The following PHACTR4 variants were observed in gnomAD, a reference collection of about 807,000 sequenced individuals.
PHACTR4 encodes the protein protein phosphatase 1, regulatory subunit 124.
Under a neutral mutation model 72.7 loss-of-function variants are expected in PHACTR4, and 51 were observed. That is an observed-to-expected ratio of 0.70 (90% CI 0.56 to 0.89). The LOEUF (loss-of-function observed/expected upper bound fraction) is 0.89. Ranked by LOEUF, PHACTR4 falls within the 40% of genes least tolerant of loss-of-function variation. The probability of loss-of-function intolerance (pLI) is 0.00; values close to 1 mark genes in which losing one functional copy is unlikely to be tolerated. For missense variants in PHACTR4, 731 were observed against 861.8 expected (o/e 0.85, Z 1.90); for synonymous variants, 255 against 302.5 (o/e 0.84, Z 1.63).
At chr1:28,457,171 T>C (rs1658452640) in intron 2 of PHACTR4, 1 of 333,932 alleles carries the variant, frequency 3.0e-6, no homozygotes, top group South Asian at 2.4e-5. Flanking sequence ...TGTATAAATC[T>C]AACCTTTATT....
chr1:28,426,963 A>G (rs1327990271), intron 2 of PHACTR4, among the ~76,000 whole-genome samples: 2 of 152,224 alleles, frequency 1.3e-5, no homozygotes, highest in Non-Finnish European at 2.9e-5. Context: ...GTGTAGTCAT[A>G]TGTAGCTAGC....
intron 12 of PHACTR4, 112 bp from the exon 13 acceptor site, chr1:28,492,903 G>A: frequency 2.4e-6 from 2 of 841,144 alleles, no homozygotes; most frequent in Non-Finnish European, 1.9e-6. Flanking sequence ...TGGGTTGCCT[G>A]TGAGGGGTTG....
intron 1 of PHACTR4, among the ~76,000 whole-genome samples, chr1:28,384,706 C>G (rs1231527671): frequency 6.6e-6 from 1 of 152,062 alleles, no homozygotes; most frequent in Non-Finnish European, 1.5e-5. Context: ...ACCAGCCTGG[C>G]CAACATGGCA....
Position 28,438,433 on chromosome 1 carries a change from G to A in PHACTR4, c.17-20652G>A, listed in dbSNP as rs770477817. On this transcript the variant is annotated intron_variant, in intron 2 of 13. Transcript: ENST00000373839. Reference sequence around the variant, plus strand: ...ACCGGTAAATCCAGATGCAGTTGGTGAGTAATAGAAGGCAGAGAAACAGAA... The same window carrying A: ...ACCGGTAAATCCAGATGCAGTTGGTAAGTAATAGAAGGCAGAGAAACAGAA... 23 of 1,613,014 alleles carry A rather than the reference G, an allele frequency of 1.4e-5. No homozygotes were observed. The East Asian group carries it at 4.7e-4, about 33-fold the overall frequency.
chr1:28,491,147 T>A (rs1661012465), intron 11 of PHACTR4, 135 bp downstream of exon 11: 1 of 833,188 alleles, frequency 1.2e-6, no homozygotes, highest in South Asian at 1.6e-5. Context: ...GGCAGGAGGA[T>A]TGCTTGAGCC....
intron 13 of PHACTR4, among the ~76,000 whole-genome samples, 181 bp downstream of exon 13, chr1:28,493,272 T>C (rs1350460093): frequency 2.6e-5 from 4 of 152,184 alleles, no homozygotes; most frequent in African/African-American, 9.7e-5. Context: ...GTGCGGTGGC[T>C]CACGCCTGTA....
intron 4 of PHACTR4, among the ~76,000 whole-genome samples, chr1:28,461,737 G>A (rs1178653173): frequency 6.6e-6 from 1 of 151,870 alleles, no homozygotes; most frequent in Non-Finnish European, 1.5e-5. Context: ...ATGTTGCCCA[G>A]GCTAGTCTCA....
rs149355050 is a variant in PHACTR4 at position 28,389,387 on chromosome 1, T to A, written c.-38-18023T>A. On this transcript the variant is annotated intron_variant, in intron 1 of 13. Transcript: ENST00000373839. ...TACTGGTGAAGAAAAAAATGTAAAATTAAAAGAAAAAAAATAACAAGTGTT... is the reference window on the plus strand; with the variant it reads ...TACTGGTGAAGAAAAAAATGTAAAAATAAAAGAAAAAAAATAACAAGTGTT... 2.7e-5 allele frequency among the ~76,000 whole-genome samples: 4 copies of A among 150,862 alleles called. No homozygotes were observed. In the East Asian group the frequency reaches 7.8e-4, roughly 29 times the overall value.
intron 1 of PHACTR4, among the ~76,000 whole-genome samples, chr1:28,403,384 T>A (rs1214129319): frequency 6.6e-6 from 1 of 152,016 alleles, no homozygotes; most frequent in Admixed American, 6.6e-5. Flanking sequence ...CCTGAGAAGG[T>A]TGTGACCTTC....
chr1:28,429,900 CTT>C (rs1033515202), intron 2 of PHACTR4, among the ~76,000 whole-genome samples: 3 of 152,050 alleles, frequency 2.0e-5, no homozygotes, highest in African/African-American at 7.2e-5. Context: ...GAGAAAAAAA[CTT>C]TTTTTTGGTG....
intron 2 of PHACTR4, among the ~76,000 whole-genome samples, chr1:28,414,449 A>G (rs988474307): frequency 7.5e-5 from 11 of 147,056 alleles, no homozygotes; most frequent in Non-Finnish European, 1.0e-4. Context: ...AAAAAAAAAA[A>G]GCACCGCAGC....
chr1:28,453,562 G>A (rs1658135309), intron 2 of PHACTR4: 3 of 730,844 alleles, frequency 4.1e-6, no homozygotes, highest in Non-Finnish European at 4.5e-6. Flanking sequence ...CGAGAGAGTG[G>A]GACTTGGGCA....
intron 6 of PHACTR4, among the ~76,000 whole-genome samples, chr1:28,470,272 A>G (rs1190403369): frequency 6.6e-6 from 1 of 151,908 alleles, no homozygotes; most frequent in African/African-American, 2.4e-5. Context: ...ATGTGCCTGT[A>G]ATTCTAGCTA....
chr1:28,479,584 G>GA lies in PHACTR4; in HGVS notation c.1607-850dup, dbSNP rs1170640129. ...GGCAACAGAGCAAGACTCCGCCTCA[G>GA]AAAAAAAAAAAAAAAAAGAGGCCAG... On this transcript the variant is annotated intron_variant, in intron 8 of 13. Coordinates refer to ENST00000373839, the MANE Select transcript of PHACTR4 (RefSeq NM_001048183.3). Among the ~76,000 whole-genome samples, 760 of 84,566 alleles carry GA rather than the reference G, an allele frequency of 9.0e-3. 2 individuals are homozygous for GA. Among genetic ancestry groups the GA allele is most frequent in the Middle Eastern group, 0.021 (2 of 94 alleles). 55.5% of individuals were successfully genotyped at this position (84,566 alleles called of 152,430 possible). A position where few individuals can be genotyped will look rare whatever the true frequency, so the allele number is the denominator to read the frequency against.
intron 2 of PHACTR4, among the ~76,000 whole-genome samples, chr1:28,422,157 C>T (rs1318349303): frequency 6.6e-6 from 1 of 152,144 alleles, no homozygotes; most frequent in African/African-American, 2.4e-5. Context: ...TGTTATTCAG[C>T]ATGATTTGTA....
At chr1:28,466,873 CAT>C in intron 6 of PHACTR4, 105 bp downstream of exon 6, 1 of 1,453,702 alleles carries the variant, frequency 6.9e-7, no homozygotes, top group Non-Finnish European at 9.3e-7. Flanking sequence ...GAGAATTTTC[CAT>C]ATCTTGTCCC....
chr1:28,441,922 G>A (rs1384768629), intron 2 of PHACTR4, among the ~76,000 whole-genome samples: 2 of 152,110 alleles, frequency 1.3e-5, no homozygotes, highest in South Asian at 2.1e-4. Flanking sequence ...AGCCTGGTAG[G>A]TTGAGGCTGC....
chr1:28,407,552 T>C, intron 2 of PHACTR4, 89 bp downstream of exon 2: 3 of 1,159,502 alleles, frequency 2.6e-6, no homozygotes, highest in Admixed American at 3.8e-5. Context: ...TGGTTTTTTT[T>C]CATATTCAGT....
intron 4 of PHACTR4, 23 bp downstream of exon 4, chr1:28,460,315 T>C (rs1658705804): frequency 3.3e-6 from 5 of 1,524,292 alleles, no homozygotes; most frequent in Non-Finnish European, 4.5e-6. Context: ...ATAAATAGCA[T>C]ATGCCTGTCT....
Sources: gnomAD v4.1 joint callset for allele counts (sites outside exome capture counted in the v4.1 genomes callset) on GRCh38, gnomAD v4.1.1 for gene constraint, MANE v1.5 for transcripts, NCBI Gene and HGNC (gene_info 2026-07-23, HGNC 2026-07-21) for gene names.